Variants in CACNA1C observed in about 807,000 individuals in gnomAD.
CACNA1C encodes the protein voltage-dependent L-type calcium channel subunit alpha-1C.
A neutral mutation model predicts 229.0 loss-of-function variants in CACNA1C; 30 were observed. The ratio of observed to expected loss-of-function variants is 0.13; its 90% CI spans 0.10 to 0.18. CACNA1C has a LOEUF of 0.18. Ranked by LOEUF, CACNA1C falls within the 10% of genes least tolerant of loss-of-function variation. CACNA1C has a pLI of 1.00. For synonymous variants in CACNA1C, 1,114 were observed against 1,132.5 expected (o/e 0.98, Z 0.33); for missense variants, 1,658 against 2,845.0 (o/e 0.58, Z 9.49).
At chr12:2,190,662 G>A (rs1598564592) in intron 3 of CACNA1C, among the ~76,000 whole-genome samples, 2 of 152,332 alleles carry the variant, frequency 1.3e-5, no homozygotes, top group East Asian at 3.9e-4. Context: ...ACAGCCGGCA[G>A]GCGAGGAGGC....
intron 3 of CACNA1C, among the ~76,000 whole-genome samples, chr12:2,185,927 G>C (rs1405207829): frequency 6.6e-6 from 1 of 152,152 alleles, no homozygotes; most frequent in Non-Finnish European, 1.5e-5. Context: ...CTCTGTGGCT[G>C]TCCCGTGCCG....
At chr12:2,643,468 A>G (rs1484523679) in intron 30 of CACNA1C, among the ~76,000 whole-genome samples, 1 of 152,234 alleles carries the variant, frequency 6.6e-6, no homozygotes, top group African/African-American at 2.4e-5. Flanking sequence ...TCTGAAAGCC[A>G]TGGCCTCTAC....
chr12:2,254,649 C>G (rs1203050710), intron 3 of CACNA1C, among the ~76,000 whole-genome samples: 1 of 151,970 alleles, frequency 6.6e-6, no homozygotes, highest in Non-Finnish European at 1.5e-5. Flanking sequence ...AACACCTGCC[C>G]GTGGGATAAG....
chr12:2,088,824 A>G (rs1221123618), intron 1 of CACNA1C, among the ~76,000 whole-genome samples: 1 of 152,118 alleles, frequency 6.6e-6, no homozygotes, highest in Non-Finnish European at 1.5e-5. Flanking sequence ...GCAATTTTTC[A>G]GTTCATAGGA....
intron 3 of CACNA1C, among the ~76,000 whole-genome samples, chr12:2,121,544 G>T (rs2086741037): frequency 6.6e-6 from 1 of 152,232 alleles, no homozygotes; most frequent in African/African-American, 2.4e-5. Context: ...GTGTCTTGTG[G>T]CTCGGCTTGG....
chr12:2,168,321 C>T (rs2096330574), intron 3 of CACNA1C, among the ~76,000 whole-genome samples: 1 of 152,156 alleles, frequency 6.6e-6, no homozygotes, highest in African/African-American at 2.4e-5. Context: ...GATGGGGAAA[C>T]AGAATTCAGT....
rs529177095 is a variant in CACNA1C at position 2,651,816 on chromosome 12, C to T, written c.4074+48C>T. On this transcript the variant is annotated intron_variant, in intron 32 of 46. Coordinates refer to ENST00000399655, the MANE Select transcript of CACNA1C (RefSeq NM_000719.7). This position sits in a 1 kb window ranked among gnomAD's most constrained non-coding sequence, Gnocchi z 5.4. ...GGCCCGGGGAATCGCAGGGCTGCCGCGTGGCCCAGAACACAGCTGACACAA... is the reference window on the plus strand; with the variant it reads ...GGCCCGGGGAATCGCAGGGCTGCCGTGTGGCCCAGAACACAGCTGACACAA... 40 of 1,472,286 alleles carry T rather than the reference C, an allele frequency of 2.7e-5. 1 individual carries two copies. Among genetic ancestry groups the T allele is most frequent in the Admixed American group, 1.3e-4 (7 of 53,212 alleles). 91.2% of individuals were successfully genotyped at this position (1,472,286 alleles called of 1,614,324 possible). A position where few individuals can be genotyped will look rare whatever the true frequency, so the allele number is the denominator to read the frequency against.
chr12:2,570,211 C>A (rs904923973), intron 13 of CACNA1C, among the ~76,000 whole-genome samples: 1 of 152,118 alleles, frequency 6.6e-6, no homozygotes, highest in Non-Finnish European at 1.5e-5. Context: ...TTTGGGGAAT[C>A]TTTGATAACA....
chr12:2,542,213 A>G (rs1263096944), intron 9 of CACNA1C, among the ~76,000 whole-genome samples: 1 of 152,146 alleles, frequency 6.6e-6, no homozygotes, highest in Non-Finnish European at 1.5e-5. Context: ...GTCATTTTTT[A>G]TTCATGAGGA....
At chr12:2,463,204 C>T (rs375174023) in intron 5 of CACNA1C, among the ~76,000 whole-genome samples, 1 of 152,248 alleles carries the variant, frequency 6.6e-6, no homozygotes, top group Non-Finnish European at 1.5e-5. Context: ...CCACCGCACC[C>T]GGCCTAAAAG....
chr12:2,528,547 C>G (rs1040879329), intron 9 of CACNA1C, among the ~76,000 whole-genome samples: 9 of 152,250 alleles, frequency 5.9e-5, no homozygotes, highest in African/African-American at 2.2e-4. Context: ...GCCCCACCAT[C>G]TGCCTTCCGA....
At chr12:2,648,266 C>T (rs946019083) in intron 30 of CACNA1C, among the ~76,000 whole-genome samples, 1 of 152,174 alleles carries the variant, frequency 6.6e-6, no homozygotes, top group African/African-American at 2.4e-5. Context: ...GCCTGTGGGT[C>T]CTTGATTGAC....
At chr12:2,301,481 T>TAAC (rs1750765926) in intron 3 of CACNA1C, among the ~76,000 whole-genome samples, 3 of 152,072 alleles carry the variant, frequency 2.0e-5, no homozygotes, top group African/African-American at 4.8e-5. Flanking sequence ...AAGGTTCTGT[T>TAAC]AGTTAAATGA....
rs376793044 is a variant in CACNA1C at position 2,248,434 on chromosome 12, G to A, written c.477+128004G>A. Among the ~76,000 whole-genome samples the A allele has an allele frequency of 8.5e-5, 13 of 152,296 alleles. 1 individual carries two copies. The East Asian group carries it at 2.1e-3, about 25-fold the overall frequency. The stretch of plus-strand genomic sequence containing the variant: ...GTGAAGGAACCGAGGCCGCCTCACT[G>A]GGCTCCATTTTCCAGTATTTTTAGT... On this transcript the variant is annotated intron_variant, in intron 3 of 46. Transcript: ENST00000399655.
intron 1 of CACNA1C, among the ~76,000 whole-genome samples, chr12:1,997,031 A>C (rs374555105): frequency 6.6e-6 from 1 of 152,346 alleles, no homozygotes; most frequent in South Asian, 2.1e-4. Context: ...ATGTGAATGA[A>C]AAGTTTATTT....
chr12:2,066,153 G>C lies in CACNA1C; in HGVS notation c.49+12542G>C, dbSNP rs76360932. The stretch of plus-strand genomic sequence containing the variant: ...AGAGAGGGAAGGAGTGATTTTCCCA[G>C]CAGAAAGCCAGAGACAAGGGAGCCC... On this transcript the variant is annotated intron_variant, in intron 1 of 46. Transcript: ENST00000399655. Among the ~76,000 whole-genome samples, 1,393 of 152,172 alleles carry C rather than the reference G, an allele frequency of 9.2e-3. 14 individuals carry two copies. The highest frequency in any genetic ancestry group is 0.031 in the African/African-American group (1,307 of 41,504).
At chr12:2,544,422 A>G (rs1036907226) in intron 9 of CACNA1C, among the ~76,000 whole-genome samples, 1 of 152,228 alleles carries the variant, frequency 6.6e-6, no homozygotes, top group Non-Finnish European at 1.5e-5. Flanking sequence ...GCAGCCCACA[A>G]GTTCAGCAGG....
At chr12:2,446,041 A>G (rs976902274) in intron 3 of CACNA1C, among the ~76,000 whole-genome samples, 2 of 148,252 alleles carry the variant, frequency 1.3e-5, no homozygotes, top group African/African-American at 5.0e-5. Flanking sequence ...TGGGTGGGTA[A>G]GTGGGTGGAT....
intron 9 of CACNA1C, among the ~76,000 whole-genome samples, chr12:2,536,458 A>G (rs765219398): frequency 6.6e-6 from 1 of 152,132 alleles, no homozygotes; most frequent in Non-Finnish European, 1.5e-5. Context: ...AAGAGGTTCA[A>G]AACTCTACCA....
Sources: allele counts gnomAD v4.1 joint callset (sites outside exome capture counted in the v4.1 genomes callset), GRCh38; gene constraint gnomAD v4.1.1; non-coding constraint Gnocchi (gnomAD v3.1); transcripts MANE v1.5; gene names NCBI Gene and HGNC (gene_info 2026-07-23, HGNC 2026-07-21).